Variants in NOS1 observed in about 807,000 individuals in gnomAD.
NOS1 encodes the protein nitric oxide synthase 1.
In NOS1, 51 loss-of-function variants were observed where a neutral mutation model predicts 164.5. The ratio of observed to expected loss-of-function variants is 0.31; its 90% CI spans 0.25 to 0.39. The LOEUF (loss-of-function observed/expected upper bound fraction) is 0.39. Among genes scored for constraint, NOS1 ranks in the 10% least tolerant of loss-of-function variants. The probability of loss-of-function intolerance (pLI) is 1.00; values close to 1 mark genes in which losing one functional copy is unlikely to be tolerated. For missense variants in NOS1, 1,362 were observed against 1,885.6 expected (o/e 0.72, Z 5.14); for synonymous variants, 719 against 745.8 (o/e 0.96, Z 0.59).
At chr12:117,241,609 C>A (rs41455546) in intron 20 of NOS1, among the ~76,000 whole-genome samples, 187 of 152,018 alleles carry the variant, frequency 1.2e-3, no homozygotes, top group African/African-American at 4.1e-3. Context: ...GAAAAAGATT[C>A]CATTCAACAG....
At chr12:117,307,152 A>G (rs1874192102) in intron 3 of NOS1, among the ~76,000 whole-genome samples, 1 of 152,170 alleles carries the variant, frequency 6.6e-6, no homozygotes, top group South Asian at 2.1e-4. Flanking sequence ...TTTCTTGCGG[A>G]GTCAAGGCCT....
chr12:117,212,378 G>A lies in NOS1; in HGVS notation c.*2931C>T. 1 of 985,258 alleles carries A rather than the reference G, an allele frequency of 1.0e-6. No individual in the cohort carries two copies. Among genetic ancestry groups the A allele is most frequent in the Non-Finnish European group, 1.2e-6 (1 of 829,918 alleles). 61.0% of individuals were successfully genotyped at this position (985,258 alleles called of 1,614,324 possible). On this transcript the variant is annotated 3_prime_UTR_variant, in exon 29 of 29. Coordinates refer to ENST00000317775, the MANE Select transcript of NOS1 (RefSeq NM_000620.5). The stretch of plus-strand genomic sequence containing the variant: ...CGGCTCCCAAAATTCCATATTGATG[G>A]GTCTGAAGTGTCCCCCCGCAAAAGA...
In NOS1 at chr12:117,210,838, C is replaced by T. The variant is rs1169020694; in HGVS notation, c.*4471G>A. 2 of 985,306 alleles carry T rather than the reference C, an allele frequency of 2.0e-6. No homozygotes were observed. Among genetic ancestry groups the T allele is most frequent in the African/African-American group, 3.5e-5 (2 of 57,228 alleles). 61.0% of individuals were successfully genotyped at this position (985,306 alleles called of 1,614,324 possible). ...CATGGCTGGACTTGGGAAGGATTCA[C>T]CCTGTTGACTCCAGAGAAGCTGACT... On this transcript the variant is annotated 3_prime_UTR_variant, in exon 29 of 29. Transcript: ENST00000317775.
In NOS1 at chr12:117,214,463, A is replaced by T. The variant is rs903197905; in HGVS notation, c.*846T>A. 4.6e-5 allele frequency: 45 copies of T among 982,992 alleles called. No homozygotes were observed. The highest frequency in any genetic ancestry group is 5.4e-5 in the Non-Finnish European group (45 of 828,402). The allele number at this position is 982,992 out of a possible 1,614,324, so 60.9% of individuals were successfully genotyped here. ...GGATGTGGCAAAGTCAAGTGATTCTAGCTGGTATGGGTGGGTTTGGGGAGG... is the reference window on the plus strand; with the variant it reads ...GGATGTGGCAAAGTCAAGTGATTCTTGCTGGTATGGGTGGGTTTGGGGAGG... On this transcript the variant is annotated 3_prime_UTR_variant, in exon 29 of 29. Transcript: ENST00000317775.
intron 7 of NOS1, among the ~76,000 whole-genome samples, 198 bp downstream of exon 7, chr12:117,285,043 C>T (rs1280057663): frequency 1.1e-5 from 1 of 90,740 alleles, no homozygotes; most frequent in Admixed American, 1.4e-4. Context: ...GAGCAAGACT[C>T]TGTCTCAAAA....
In NOS1 at chr12:117,231,973, C is replaced by G. The variant is rs767409208; in HGVS notation, c.3394G>C (p.Val1132Leu). Residue 1132 changes from valine to leucine, a missense_variant, in exon 22 of 29, where the codon GTC (valine) becomes CTC (leucine). Physicochemically the swap from Val to Leu is conservative, Grantham distance 32 (BLOSUM62 1). Transcript: ENST00000317775. ...GCCTGGGGACCCACCTTGCTGAGGA[C>G]CAGCAGACGCTGCTTCTCCTTCTCG... ...TSEKEKQRLL[V>L]LSKGLQEYEE... 1.2e-6 allele frequency: 2 copies of G among 1,612,336 alleles called. No homozygotes were observed. The highest frequency in any genetic ancestry group is 1.7e-6 in the Non-Finnish European group (2 of 1,179,596).
chr12:117,213,852 AG>A lies in NOS1; in HGVS notation c.*1456del, dbSNP rs9658564. The A allele has an allele frequency of 2.5e-3, 2,447 of 985,410 alleles. 49 individuals carry two copies. The African/African-American group carries it at 0.038, about 15-fold the overall frequency. 61.0% of individuals were successfully genotyped at this position (985,410 alleles called of 1,614,324 possible). A position where few individuals can be genotyped will look rare whatever the true frequency, so the allele number is the denominator to read the frequency against. On this transcript the variant is annotated 3_prime_UTR_variant, in exon 29 of 29. Transcript: ENST00000317775. ...TTGTAGTATTTAAAAAAGTATACAA[AG>A]GGATCCCTTCCCACCATTTACTCTG...
At position 117,234,492 on chromosome 12, in the gene NOS1, A is replaced by C. The variant is rs1869531583; in HGVS notation, c.3235+73T>G. 2.0e-6 allele frequency: 3 copies of C among 1,482,578 alleles called. No homozygotes were observed. The highest frequency in any genetic ancestry group is 1.8e-6 in the Non-Finnish European group (2 of 1,085,228). The allele number at this position is 1,482,578 out of a possible 1,614,324, so 91.8% of individuals were successfully genotyped here. On this transcript the variant is annotated intron_variant, in intron 21 of 28. Coordinates refer to ENST00000317775, the MANE Select transcript of NOS1 (RefSeq NM_000620.5). This position sits in a 1 kb window ranked among gnomAD's most constrained non-coding sequence, Gnocchi z 4.3. ...GCCTGGACTGGTGATTGGGAAGAAA[A>C]GGTATCTTCTTCCCGAGACACCCAC... is the stretch of plus-strand genomic sequence containing the variant.
chr12:117,255,814 A>G, intron 16 of NOS1: 1 of 490,446 alleles, frequency 2.0e-6, no homozygotes. Flanking sequence ...TGAGTTAGTG[A>G]CACAGCTCAG....
At chr12:117,274,729 T>G (rs1359892248) in intron 9 of NOS1, among the ~76,000 whole-genome samples, 1 of 124,980 alleles carries the variant, frequency 8.0e-6, no homozygotes, top group South Asian at 2.5e-4. Context: ...AAGATGGCGC[T>G]ACTGCACTCC....
At chr12:117,256,043 G>A (rs780101476) in intron 16 of NOS1, 1 of 1,395,184 alleles carries the variant, frequency 7.2e-7, no homozygotes, top group Admixed American at 3.0e-5. Context: ...GGTACCTAGA[G>A]GGGAGAATCG....
intron 16 of NOS1, among the ~76,000 whole-genome samples, chr12:117,256,970 G>A (rs2135974030): frequency 6.6e-6 from 1 of 152,284 alleles, no homozygotes; most frequent in Middle Eastern, 3.4e-3. Flanking sequence ...TACTCGGGAG[G>A]CTGAGGCTGC....
intron 25 of NOS1, among the ~76,000 whole-genome samples, chr12:117,224,652 C>G (rs1394772658): frequency 6.6e-6 from 1 of 152,234 alleles, no homozygotes; most frequent in Non-Finnish European, 1.5e-5. Context: ...CAAAGCTGAT[C>G]TGCTGTGTCT....
At chr12:117,287,947 A>G in intron 5 of NOS1, 127 bp downstream of exon 5, 1 of 936,072 alleles carries the variant, frequency 1.1e-6, no homozygotes, top group Non-Finnish European at 1.6e-6. Context: ...ATGGGTAGCC[A>G]GTCTTAAGCC....
chr12:117,313,237 C>T (rs1421250523), intron 2 of NOS1, among the ~76,000 whole-genome samples: 2 of 152,182 alleles, frequency 1.3e-5, no homozygotes, highest in Non-Finnish European at 2.9e-5. Flanking sequence ...GTGACTAAGT[C>T]ACTAGCCTAA....
At chr12:117,345,266 G>T (rs758884057) in intron 1 of NOS1, among the ~76,000 whole-genome samples, 1 of 152,034 alleles carries the variant, frequency 6.6e-6, no homozygotes, top group Non-Finnish European at 1.5e-5. Context: ...CATGTGATCC[G>T]TCTGCCTCGG....
chr12:117,209,120 G>A lies in NOS1; in HGVS notation c.*6189C>T. 1 of 985,360 alleles carries A rather than the reference G, an allele frequency of 1.0e-6. No individual in the cohort carries two copies. Among genetic ancestry groups the A allele is most frequent in the Non-Finnish European group, 1.2e-6 (1 of 829,948 alleles). The allele number at this position is 985,360 out of a possible 1,614,324, so 61.0% of individuals were successfully genotyped here. A position where few individuals can be genotyped will look rare whatever the true frequency, so the allele number is the denominator to read the frequency against. Reference sequence around the variant, plus strand: ...CAGCAGATAATGGAAACAACCACTGGGCTAGGCAAAGTTTCTGCTGCGTGC... The same window carrying A: ...CAGCAGATAATGGAAACAACCACTGAGCTAGGCAAAGTTTCTGCTGCGTGC... On this transcript the variant is annotated 3_prime_UTR_variant, in exon 29 of 29. Coordinates refer to ENST00000317775, the MANE Select transcript of NOS1 (RefSeq NM_000620.5).
chr12:117,230,753 C>G (rs1294578072), intron 22 of NOS1, among the ~76,000 whole-genome samples: 1 of 152,228 alleles, frequency 6.6e-6, no homozygotes, highest in Non-Finnish European at 1.5e-5. Context: ...GACCTCTGAT[C>G]TCTAATAGTC....
At chr12:117,301,386 C>G (rs1441149386) in intron 3 of NOS1, among the ~76,000 whole-genome samples, 1 of 152,168 alleles carries the variant, frequency 6.6e-6, no homozygotes, top group Non-Finnish European at 1.5e-5. Context: ...GCCTCTGCCT[C>G]CCAAAGTGCT....
Sources: allele counts gnomAD v4.1 joint callset (sites outside exome capture counted in the v4.1 genomes callset), GRCh38; gene constraint gnomAD v4.1.1; non-coding constraint Gnocchi (gnomAD v3.1); transcripts MANE v1.5; gene names NCBI Gene and HGNC (gene_info 2026-07-23, HGNC 2026-07-21).